Variants in CNTN5 observed in about 807,000 individuals in gnomAD.
CNTN5 encodes contactin 5.
A neutral mutation model predicts 129.1 loss-of-function variants in CNTN5; 77 were observed. That is an observed-to-expected ratio of 0.60 (90% CI 0.50 to 0.72). CNTN5 has a LOEUF of 0.72. Among genes scored for constraint, CNTN5 ranks in the 30% least tolerant of loss-of-function variants. The pLI is 0.00. For synonymous variants in CNTN5, 509 were observed against 465.6 expected, an observed-to-expected ratio of 1.09 and a Z score of -1.20; for missense variants, 1,478 against 1,328.8, an observed-to-expected ratio of 1.11 and a Z score of -1.75.
chr11:99,344,031 C>T (rs915742777), intron 2 of CNTN5, among the ~76,000 whole-genome samples: 5 of 151,976 alleles, frequency 3.3e-5, no homozygotes, highest in African/African-American at 1.2e-4. Flanking sequence ...GAGATAATAC[C>T]TGATAAATTT....
chr11:99,416,681 A>T (rs1942670362), intron 2 of CNTN5, among the ~76,000 whole-genome samples: 1 of 152,184 alleles, frequency 6.6e-6, no homozygotes, highest in Non-Finnish European at 1.5e-5. Context: ...AAGATAGATT[A>T]CAGGGAAAGT....
At chr11:99,221,769 T>C (rs1173549360) in intron 1 of CNTN5, among the ~76,000 whole-genome samples, 2 of 151,934 alleles carry the variant, frequency 1.3e-5, no homozygotes, top group African/African-American at 2.4e-5. Flanking sequence ...AACTAACATA[T>C]ACAAACACTT....
At chr11:99,434,705 C>G (rs1036575416) in intron 2 of CNTN5, among the ~76,000 whole-genome samples, 3 of 151,992 alleles carry the variant, frequency 2.0e-5, no homozygotes, top group Non-Finnish European at 4.4e-5. Context: ...AGTGATTTGT[C>G]TTTAACAGAT....
intron 2 of CNTN5, among the ~76,000 whole-genome samples, chr11:99,437,028 C>G (rs1591055206): frequency 6.6e-6 from 1 of 152,166 alleles, no homozygotes; most frequent in Non-Finnish European, 1.5e-5. Context: ...CTATGTCCAG[C>G]TTCTTACTCA....
intron 6 of CNTN5, among the ~76,000 whole-genome samples, chr11:99,846,129 G>GACACACACACACACACACACAC (rs10650307): frequency 1.9e-4 from 28 of 144,644 alleles, no homozygotes; most frequent in Non-Finnish European, 2.6e-4. Flanking sequence ...TACGGACATA[G>GACACACACACACACACACACAC]ACACACACAC....
intron 8 of CNTN5, among the ~76,000 whole-genome samples, chr11:99,961,726 C>G (rs1046463574): frequency 6.6e-6 from 1 of 152,134 alleles, no homozygotes; most frequent in Non-Finnish European, 1.5e-5. Context: ...AATGAGCTTT[C>G]CGTGGAAAGA....
intron 18 of CNTN5, among the ~76,000 whole-genome samples, chr11:100,281,470 C>A (rs918196357): frequency 6.6e-6 from 1 of 151,980 alleles, no homozygotes; most frequent in Admixed American, 6.6e-5. Flanking sequence ...TATTGGAGCT[C>A]CTTTGTATGT....
intron 13 of CNTN5, 143 bp downstream of exon 13, chr11:100,074,437 G>A: frequency 2.7e-6 from 2 of 728,400 alleles, no homozygotes; most frequent in Admixed American, 7.2e-5. Context: ...TGCCTATATA[G>A]TGATTTTAAA....
chr11:99,805,331 T>A (rs929727609), intron 3 of CNTN5, among the ~76,000 whole-genome samples: 1 of 152,118 alleles, frequency 6.6e-6, no homozygotes, highest in African/African-American at 2.4e-5. Context: ...TCCGGGTGTT[T>A]CACCTAGGCA....
intron 13 of CNTN5, among the ~76,000 whole-genome samples, chr11:100,085,522 G>C (rs11599953): frequency 0.13 from 20,063 of 151,872 alleles, 1,651 homozygotes; most frequent in East Asian, 0.31. Flanking sequence ...AGATAAGTAA[G>C]AGAGAATCCC....
intron 1 of CNTN5, among the ~76,000 whole-genome samples, chr11:99,100,317 A>G (rs1866663575): frequency 6.6e-6 from 1 of 151,970 alleles, no homozygotes; most frequent in Admixed American, 6.6e-5. Context: ...CCAGAGAGGT[A>G]GGGGGAACCT....
At chr11:99,653,253 G>A (rs1438376699) in intron 3 of CNTN5, among the ~76,000 whole-genome samples, 1 of 151,916 alleles carries the variant, frequency 6.6e-6, no homozygotes, top group Non-Finnish European at 1.5e-5. Context: ...ACAAAGAATT[G>A]TCTCTTTCAT....
At chr11:99,581,956 G>A (rs1445339942) in intron 3 of CNTN5, among the ~76,000 whole-genome samples, 1 of 151,976 alleles carries the variant, frequency 6.6e-6, no homozygotes, top group Non-Finnish European at 1.5e-5. Context: ...TTTTGCAGTG[G>A]CTGGTACCAG....
chr11:99,368,567 T>C (rs964141424), intron 2 of CNTN5, among the ~76,000 whole-genome samples: 25 of 152,180 alleles, frequency 1.6e-4, no homozygotes, highest in African/African-American at 5.8e-4. Context: ...AATTATTTCA[T>C]AAGCTTTATT....
chr11:99,079,701 T>G (rs1449750756), intron 1 of CNTN5, among the ~76,000 whole-genome samples: 1 of 152,200 alleles, frequency 6.6e-6, no homozygotes, highest in Non-Finnish European at 1.5e-5. Flanking sequence ...AAATTAACTT[T>G]AGGTCCTTGA....
intron 9 of CNTN5, among the ~76,000 whole-genome samples, chr11:100,051,461 C>T (rs1385151685): frequency 6.6e-6 from 1 of 151,774 alleles, no homozygotes; most frequent in Non-Finnish European, 1.5e-5. Context: ...AATGAAAACA[C>T]AACATGTGTG....
chr11:99,358,405 C>CA (rs1177043749), intron 2 of CNTN5, among the ~76,000 whole-genome samples: 1 of 150,692 alleles, frequency 6.6e-6, no homozygotes, highest in Non-Finnish European at 1.5e-5. Context: ...GTCTCTACTA[C>CA]AAAAAATTAG....
chr11:99,510,417 A>G lies in CNTN5; in HGVS notation c.-70-45728A>G, dbSNP rs556167154. Among the ~76,000 whole-genome samples, 3 of 152,322 alleles carry G rather than the reference A, an allele frequency of 2.0e-5. No homozygotes were observed. The East Asian group carries it at 5.8e-4, about 29-fold the overall frequency. ...AACTGCACGCATCTTTTGACCTAGA[A>G]ATCTGACTTCTAATATTACTGATAT... On this transcript the variant is annotated intron_variant, in intron 2 of 24. Coordinates refer to ENST00000524871, the MANE Select transcript of CNTN5 (RefSeq NM_014361.4).
chr11:99,991,101 T>C (rs1939061289), intron 8 of CNTN5, among the ~76,000 whole-genome samples: 1 of 152,234 alleles, frequency 6.6e-6, no homozygotes, highest in South Asian at 2.1e-4. Flanking sequence ...AGAATCCAGA[T>C]AGGTTATGAG....
Sources: allele counts gnomAD v4.1 joint callset (sites outside exome capture counted in the v4.1 genomes callset), GRCh38; gene constraint gnomAD v4.1.1; transcripts MANE v1.5; gene names NCBI Gene and HGNC (gene_info 2026-07-23, HGNC 2026-07-21).